The following ZBTB7A variants were observed in gnomAD, a reference collection of about 807,000 sequenced individuals.
ZBTB7A encodes zinc finger and BTB domain-containing protein 7A.
ZBTB7A carries 7 observed loss-of-function variants against 26.7 expected under a neutral mutation model. The observed-to-expected ratio is 0.26, with a 90% CI of 0.15 to 0.49. The LOEUF (loss-of-function observed/expected upper bound fraction) is 0.49. ZBTB7A is among the 20% of genes least tolerant of loss of function. ZBTB7A has a pLI of 0.98. For synonymous variants in ZBTB7A, 452 were observed against 441.0 expected, an observed-to-expected ratio of 1.02 and a Z score of -0.31; for missense variants, 617 against 919.5, an observed-to-expected ratio of 0.67 and a Z score of 4.25.
At chr19:4,057,595 C>T (rs1440620979) in intron 1 of ZBTB7A, among the ~76,000 whole-genome samples, 2 of 151,766 alleles carry the variant, frequency 1.3e-5, no homozygotes, top group Non-Finnish European at 2.9e-5. Context: ...TGAGACCATC[C>T]TGGGCAACAT....
Position 4,046,717 on chromosome 19 carries a change from ACT to A in ZBTB7A, c.*1033_*1034del, listed in dbSNP as rs199952702. 4 of 146,634 alleles carry A rather than the reference ACT, an allele frequency of 2.7e-5. No homozygotes were observed. In the East Asian group the frequency reaches 7.9e-4, roughly 29 times the overall value. The allele number at this position is 146,634 out of a possible 1,614,324, so 9.1% of individuals were successfully genotyped here. A position where few individuals can be genotyped will look rare whatever the true frequency, so the allele number is the denominator to read the frequency against. ...AGACCCTGGGGTTCCTCTGATCGTG[ACT>A]CTGTTTATCCCACACTGTTGCCTGC... On this transcript the variant is annotated 3_prime_UTR_variant, in exon 3 of 3. Coordinates refer to ENST00000322357, the MANE Select transcript of ZBTB7A (RefSeq NM_015898.4).
intron 2 of ZBTB7A, among the ~76,000 whole-genome samples, chr19:4,051,869 G>A (rs1276693547): frequency 6.6e-6 from 1 of 152,230 alleles, no homozygotes; most frequent in East Asian, 1.9e-4. Context: ...GCGGGGTGGG[G>A]GCGGAGGTAT....
At chr19:4,059,083 G>A (rs1384782851) in intron 1 of ZBTB7A, among the ~76,000 whole-genome samples, 3 of 152,172 alleles carry the variant, frequency 2.0e-5, no homozygotes, top group Non-Finnish European at 4.4e-5. Context: ...ACCATCTGCC[G>A]TCTGGCCCTG....
At chr19:4,055,301 G>A in intron 1 of ZBTB7A, 54 bp from the exon 2 acceptor site, 2 of 1,430,948 alleles carry the variant, frequency 1.4e-6, no homozygotes, top group South Asian at 3.0e-5. Context: ...GGGGGTTCCT[G>A]TGCCCACTGA....
intron 1 of ZBTB7A, chr19:4,062,159 G>A (rs2040644237): frequency 6.6e-6 from 1 of 152,282 alleles, no homozygotes; most frequent in Non-Finnish European, 1.5e-5. Flanking sequence ...CAGGCATCCT[G>A]ATAGGTGGGA....
Position 4,047,692 on chromosome 19 carries a change from A to T in ZBTB7A, c.*60T>A. On this transcript the variant is annotated 3_prime_UTR_variant, in exon 3 of 3. Transcript: ENST00000322357. ...TGTGTTTTTGGGGGGGTGGTGGGTGATTTTTTTTCTCTCTCTCTGTCTCTC... is the reference window on the plus strand; with the variant it reads ...TGTGTTTTTGGGGGGGTGGTGGGTGTTTTTTTTTCTCTCTCTCTGTCTCTC... 6.5e-7 allele frequency: 1 copy of T among 1,531,156 alleles called. No homozygotes were observed. The highest frequency in any genetic ancestry group is 8.7e-7 in the Non-Finnish European group (1 of 1,143,338). 94.8% of individuals were successfully genotyped at this position (1,531,156 alleles called of 1,614,324 possible).
At position 4,053,952 on chromosome 19, in the gene ZBTB7A, C is replaced by T. The variant is rs201474224; in HGVS notation, c.1262+19G>A. On this transcript the variant is annotated intron_variant, in intron 2 of 2. Coordinates refer to ENST00000322357, the MANE Select transcript of ZBTB7A (RefSeq NM_015898.4). The stretch of plus-strand genomic sequence containing the variant: ...GGGCAGAGAGCAGGACGGCGCCTCC[C>T]CCGCGGCGGGCAGCTCACCTGGTGA... 14 of 1,576,332 alleles carry T rather than the reference C, an allele frequency of 8.9e-6. No homozygotes were observed. The highest frequency in any genetic ancestry group is 8.1e-5 in the South Asian group (7 of 86,558).
Position 4,053,645 on chromosome 19 carries a change from GTC to G in ZBTB7A, c.1262+324_1262+325del, listed in dbSNP as rs534772355. On this transcript the variant is annotated intron_variant, in intron 2 of 2. Transcript: ENST00000322357. The stretch of plus-strand genomic sequence containing the variant: ...GTGGTGTGCATCTGTGTCTGCATGT[GTC>G]TGTGTAGCATGTCTGTATGTGTATG... Among the ~76,000 whole-genome samples the G allele has an allele frequency of 3.6e-3, 539 of 151,480 alleles. 4 individuals carry two copies. Among genetic ancestry groups the G allele is most frequent in the African/African-American group, 0.012 (499 of 41,084 alleles).
Position 4,043,481 on chromosome 19 carries a change from C to T in ZBTB7A, c.*4271G>A, listed in dbSNP as rs2040370694. Among the ~76,000 whole-genome samples the T allele has an allele frequency of 6.7e-6, 1 of 149,412 alleles. No homozygotes were observed. The highest frequency in any genetic ancestry group is 2.5e-5 in the African/African-American group (1 of 40,340). On this transcript the variant is annotated 3_prime_UTR_variant, in exon 3 of 3. Coordinates refer to ENST00000322357, the MANE Select transcript of ZBTB7A (RefSeq NM_015898.4). ...TTTTTTTTTTTTTAAATCTCCCACA[C>T]TTTATAAAGACTCTCAATACAGTCT... is the stretch of plus-strand genomic sequence containing the variant.
At chr19:4,057,021 G>A (rs989701570) in intron 1 of ZBTB7A, among the ~76,000 whole-genome samples, 2 of 134,310 alleles carry the variant, frequency 1.5e-5, no homozygotes, top group African/African-American at 2.8e-5. Context: ...AGCGAGACTC[G>A]GTCTGAAAAA....
In ZBTB7A at chr19:4,045,983, G is replaced by C. The variant is rs765584284; in HGVS notation, c.*1769C>G. ...ACCTCAGCAGGGTAGGCGCATCCAA[G>C]GTCCAGCTCCTTGGTGGCCATGCGG... is the stretch of plus-strand genomic sequence containing the variant. On this transcript the variant is annotated 3_prime_UTR_variant, in exon 3 of 3. Coordinates refer to ENST00000322357, the MANE Select transcript of ZBTB7A (RefSeq NM_015898.4). This position sits in a 1 kb window ranked among gnomAD's most constrained non-coding sequence, Gnocchi z 4.1. The C allele has an allele frequency of 1.3e-5, 5 of 398,848 alleles. No homozygotes were observed. Among genetic ancestry groups the C allele is most frequent in the Non-Finnish European group, 2.2e-5 (5 of 226,096 alleles). 24.7% of individuals were successfully genotyped at this position (398,848 alleles called of 1,614,324 possible).
Position 4,046,039 on chromosome 19 carries a change from T to C in ZBTB7A, c.*1713A>G. ...ACAGGCGTGTTGGGGGATTGGGGGG[T>C]GCCGGATGGGGATCGGGGTGCTCCG... On this transcript the variant is annotated 3_prime_UTR_variant, in exon 3 of 3. Transcript: ENST00000322357. 2.5e-6 allele frequency: 1 copy of C among 396,364 alleles called. No homozygotes were observed. Among genetic ancestry groups the C allele is most frequent in the East Asian group, 3.6e-5 (1 of 27,938 alleles). The allele number at this position is 396,364 out of a possible 1,614,324, so 24.6% of individuals were successfully genotyped here. A position where few individuals can be genotyped will look rare whatever the true frequency, so the allele number is the denominator to read the frequency against.
Position 4,043,750 on chromosome 19 carries a change from T to C in ZBTB7A, c.*4002A>G, listed in dbSNP as rs1347396611. On this transcript the variant is annotated 3_prime_UTR_variant, in exon 3 of 3. Transcript: ENST00000322357. ...CCCCCCCCCCCCCCGTAAATCTATG[T>C]ATTTAATGCGAGCTAGTCTTAACTC... 6.7e-5 allele frequency among the ~76,000 whole-genome samples: 6 copies of C among 90,052 alleles called. No homozygotes were observed. The Admixed American group carries it at 8.9e-4, about 13-fold the overall frequency. The allele number at this position is 90,052 out of a possible 152,430, so 59.1% of individuals were successfully genotyped here.
chr19:4,053,170 C>T (rs1381495802), intron 2 of ZBTB7A, among the ~76,000 whole-genome samples: 1 of 152,212 alleles, frequency 6.6e-6, no homozygotes, highest in African/African-American at 2.4e-5. Flanking sequence ...TGTGCCTTCC[C>T]GCCCACCTCC....
At position 4,046,719 on chromosome 19, in the gene ZBTB7A, T is replaced by C. The variant is rs2040424726; in HGVS notation, c.*1033A>G. ...ACCCTGGGGTTCCTCTGATCGTGAC[T>C]CTGTTTATCCCACACTGTTGCCTGC... On this transcript the variant is annotated 3_prime_UTR_variant, in exon 3 of 3. Coordinates refer to ENST00000322357, the MANE Select transcript of ZBTB7A (RefSeq NM_015898.4). The C allele has an allele frequency of 6.7e-6, 1 of 149,870 alleles. No homozygotes were observed. Among genetic ancestry groups the C allele is most frequent in the Non-Finnish European group, 1.5e-5 (1 of 67,484 alleles). The allele number at this position is 149,870 out of a possible 1,614,324, so 9.3% of individuals were successfully genotyped here. A position where few individuals can be genotyped will look rare whatever the true frequency, so the allele number is the denominator to read the frequency against.
chr19:4,051,759 T>G (rs576481979), intron 2 of ZBTB7A, among the ~76,000 whole-genome samples: 1 of 152,362 alleles, frequency 6.6e-6, no homozygotes, highest in East Asian at 1.9e-4. Flanking sequence ...CACTAGGTTT[T>G]TCTAGAACCG....
chr19:4,065,964 C>T (rs1252157962), intron 1 of ZBTB7A, among the ~76,000 whole-genome samples: 1 of 143,352 alleles, frequency 7.0e-6, no homozygotes, highest in Non-Finnish European at 1.5e-5. Context: ...CGCCCATTGG[C>T]TCTCCGGCCC....
chr19:4,047,613 C>A lies in ZBTB7A; in HGVS notation c.*139G>T. On this transcript the variant is annotated 3_prime_UTR_variant, in exon 3 of 3. Transcript: ENST00000322357. ...TCTGTGACGCGTCATATATATATAT[C>A]TGTATATATATATATAGATATAGAT... The A allele has an allele frequency of 1.7e-6, 1 of 595,556 alleles. No homozygotes were observed. Among genetic ancestry groups the A allele is most frequent in the Admixed American group, 4.5e-5 (1 of 22,410 alleles). The allele number at this position is 595,556 out of a possible 1,614,324, so 36.9% of individuals were successfully genotyped here. A position where few individuals can be genotyped will look rare whatever the true frequency, so the allele number is the denominator to read the frequency against.
chr19:4,064,674 C>G (rs1992710), intron 1 of ZBTB7A, among the ~76,000 whole-genome samples: 151,168 of 152,286 alleles, frequency 0.99, 75,043 homozygotes, highest in Non-Finnish European at 1. Context: ...ACGGAATCCC[C>G]ACGCCCTCTC....
Sources: allele counts gnomAD v4.1 joint callset (sites outside exome capture counted in the v4.1 genomes callset), GRCh38; gene constraint gnomAD v4.1.1; non-coding constraint Gnocchi (gnomAD v3.1); transcripts MANE v1.5; gene names NCBI Gene and HGNC (gene_info 2026-07-23, HGNC 2026-07-21).